PPM1H: variants seen among roughly 807,000 people sequenced by gnomAD.
PPM1H encodes protein phosphatase 1H.
In PPM1H, 27 loss-of-function variants were observed where a neutral mutation model predicts 54.9. The observed-to-expected ratio is 0.49, with a 90% CI of 0.36 to 0.68. The LOEUF is 0.68. Ranked by LOEUF, PPM1H falls within the 30% of genes least tolerant of loss-of-function variation. The pLI, the probability that PPM1H is intolerant of heterozygous loss-of-function variation, is 0.00. For missense variants in PPM1H, 596 were observed against 667.8 expected (o/e 0.89, Z 1.19); for synonymous variants, 305 against 270.8 (o/e 1.13, Z -1.24).
intron 1 of PPM1H, among the ~76,000 whole-genome samples, chr12:62,848,105 A>C (rs974689620): frequency 3.3e-5 from 5 of 152,214 alleles, no homozygotes; most frequent in Non-Finnish European, 7.3e-5. Context: ...AAGGACCATG[A>C]GGTTAATTTT....
intron 4 of PPM1H, among the ~76,000 whole-genome samples, chr12:62,741,816 A>T (rs886410168): frequency 8.5e-5 from 13 of 152,190 alleles, no homozygotes; most frequent in African/African-American, 2.9e-4. Flanking sequence ...TTGCTGATGG[A>T]TAAGTGGCTA....
rs1026779071 is a variant in PPM1H at position 62,755,243 on chromosome 12, A to G, written c.870-17657T>C. The G allele has an allele frequency of 5.6e-6, 4 of 720,258 alleles. No homozygotes were observed. In the Admixed American group the frequency reaches 7.0e-5, roughly 13 times the overall value. The allele number at this position is 720,258 out of a possible 1,614,324, so 44.6% of individuals were successfully genotyped here. On this transcript the variant is annotated intron_variant, in intron 4 of 9. Coordinates refer to ENST00000228705, the MANE Select transcript of PPM1H (RefSeq NM_020700.2). ...GACACTACGGTGAAGGTGAAGATCA[A>G]AGTCAATGGATTTGGTTGTATTGGG...
chr12:62,788,694 G>A (rs1428205478), intron 3 of PPM1H, among the ~76,000 whole-genome samples: 1 of 152,172 alleles, frequency 6.6e-6, no homozygotes, highest in African/African-American at 2.4e-5. Context: ...CACTAGAGAG[G>A]CTGAGGATGA....
At chr12:62,897,216 T>G (rs1871020619) in intron 1 of PPM1H, among the ~76,000 whole-genome samples, 1 of 151,948 alleles carries the variant, frequency 6.6e-6, no homozygotes, top group Admixed American at 6.6e-5. Flanking sequence ...AACCTGCACA[T>G]TGTGCACATG....
At chr12:62,872,350 A>G (rs575657) in intron 1 of PPM1H, among the ~76,000 whole-genome samples, 99,144 of 152,114 alleles carry the variant, frequency 0.65, 33,408 homozygotes, top group African/African-American at 0.82. Flanking sequence ...ACACTAACCA[A>G]AAGAACAAGA....
intron 1 of PPM1H, among the ~76,000 whole-genome samples, chr12:62,838,506 A>G (rs1204096924): frequency 6.6e-6 from 1 of 152,214 alleles, no homozygotes; most frequent in Non-Finnish European, 1.5e-5. Flanking sequence ...TAGCTGCAGT[A>G]ATAACCTCTT....
At chr12:62,740,983 G>A (rs549860805) in intron 4 of PPM1H, among the ~76,000 whole-genome samples, 1 of 152,184 alleles carries the variant, frequency 6.6e-6, no homozygotes, top group Non-Finnish European at 1.5e-5. Flanking sequence ...TATCTCTGTT[G>A]TGCTCGGCCT....
intron 6 of PPM1H, among the ~76,000 whole-genome samples, chr12:62,696,209 A>G (rs1185373963): frequency 6.6e-6 from 1 of 152,232 alleles, no homozygotes; most frequent in Non-Finnish European, 1.5e-5. Context: ...CTCACATGGC[A>G]GAGTGTTGCA....
At chr12:62,855,222 A>T (rs1160460182) in intron 1 of PPM1H, among the ~76,000 whole-genome samples, 2 of 152,152 alleles carry the variant, frequency 1.3e-5, no homozygotes, top group African/African-American at 2.4e-5. Flanking sequence ...TTCCTGGCAA[A>T]CCATGATGTT....
At chr12:62,738,451 G>A (rs1214854288) in intron 4 of PPM1H, among the ~76,000 whole-genome samples, 2 of 152,084 alleles carry the variant, frequency 1.3e-5, no homozygotes, top group South Asian at 2.1e-4. Flanking sequence ...CCCAGTCAAG[G>A]ACTTTTGAGG....
At chr12:62,708,590 G>A (rs1431971190) in intron 6 of PPM1H, among the ~76,000 whole-genome samples, 1 of 152,240 alleles carries the variant, frequency 6.6e-6, no homozygotes, top group Non-Finnish European at 1.5e-5. Flanking sequence ...AATTTCAGGA[G>A]TGGTAGTGTA....
Position 62,737,385 on chromosome 12 carries a change from A to G in PPM1H, c.954+117T>C, listed in dbSNP as rs898843376. ...AGGTGTGTGTGGGGGAGTTAATACC[A>G]TATGTCATTTGAATGCGGTGAGCCT... On this transcript the variant is annotated intron_variant, in intron 5 of 9. Transcript: ENST00000228705. The G allele has an allele frequency of 1.3e-5, 8 of 616,184 alleles. No individual in the cohort carries two copies. The Admixed American group carries it at 2.0e-4, about 16-fold the overall frequency. The allele number at this position is 616,184 out of a possible 1,614,324, so 38.2% of individuals were successfully genotyped here.
chr12:62,862,519 T>G (rs1357865042), intron 1 of PPM1H, among the ~76,000 whole-genome samples: 1 of 152,218 alleles, frequency 6.6e-6, no homozygotes, highest in Non-Finnish European at 1.5e-5. Context: ...TTTGTTTTGA[T>G]GACATAACCC....
chr12:62,716,718 T>C (rs2076236707), intron 6 of PPM1H, among the ~76,000 whole-genome samples: 1 of 152,060 alleles, frequency 6.6e-6, no homozygotes, highest in Non-Finnish European at 1.5e-5. Flanking sequence ...GTTATAGAGA[T>C]GGGGTCTCCT....
At chr12:62,800,413 T>C (rs2076760562) in intron 3 of PPM1H, among the ~76,000 whole-genome samples, 1 of 152,124 alleles carries the variant, frequency 6.6e-6, no homozygotes, top group African/African-American at 2.4e-5. Flanking sequence ...CTCAGCTCAC[T>C]GCAACCTCTG....
chr12:62,816,330 G>T (rs2076866430), intron 2 of PPM1H, among the ~76,000 whole-genome samples: 1 of 152,164 alleles, frequency 6.6e-6, no homozygotes, highest in African/African-American at 2.4e-5. Flanking sequence ...CCAAAAGTCT[G>T]GAAAATGCTC....
chr12:62,763,084 C>T (rs1003212318), intron 4 of PPM1H, among the ~76,000 whole-genome samples: 3 of 152,170 alleles, frequency 2.0e-5, no homozygotes. Context: ...TCCCGAAGTC[C>T]CCAAGCAGGG....
intron 4 of PPM1H, among the ~76,000 whole-genome samples, chr12:62,779,487 C>T (rs1011897564): frequency 6.6e-6 from 1 of 152,226 alleles, no homozygotes; most frequent in African/African-American, 2.4e-5. Flanking sequence ...AAACAGTTCT[C>T]CTGATCAGTA....
intron 1 of PPM1H, among the ~76,000 whole-genome samples, chr12:62,878,406 G>C (rs1870258348): frequency 6.6e-6 from 1 of 151,902 alleles, no homozygotes; most frequent in Non-Finnish European, 1.5e-5. Flanking sequence ...AATACACCAT[G>C]GTTTGATTCC....
Sources: gnomAD v4.1 joint callset for allele counts (sites outside exome capture counted in the v4.1 genomes callset) on GRCh38, gnomAD v4.1.1 for gene constraint, MANE v1.5 for transcripts, NCBI Gene and HGNC (gene_info 2026-07-23, HGNC 2026-07-21) for gene names.